FAM184A: variants seen among roughly 807,000 people sequenced by gnomAD.
The protein encoded by FAM184A is family with sequence similarity 184 member A.
FAM184A carries 99 observed loss-of-function variants against 143.8 expected under a neutral mutation model. The observed-to-expected ratio is 0.69, with a 90% CI of 0.58 to 0.81. FAM184A has a LOEUF of 0.81. Among genes scored for constraint, FAM184A ranks in the 40% least tolerant of loss-of-function variants. The pLI is 0.00. For missense variants in FAM184A, 1,217 were observed against 1,310.5 expected, an observed-to-expected ratio of 0.93 and a Z score of 1.10; for synonymous variants, 427 against 446.4, an observed-to-expected ratio of 0.96 and a Z score of 0.55.
intron 1 of FAM184A, among the ~76,000 whole-genome samples, chr6:119,028,803 T>C (rs766831602): frequency 7.2e-5 from 11 of 152,184 alleles, no homozygotes; most frequent in Admixed American, 7.2e-4. Flanking sequence ...GAACTTGCAG[T>C]TGGCATCTGA....
intron 1 of FAM184A, among the ~76,000 whole-genome samples, chr6:119,109,085 A>G (rs1788864347): frequency 6.9e-6 from 1 of 144,966 alleles, no homozygotes; most frequent in African/African-American, 2.8e-5. Context: ...CCCTATTCCT[A>G]TCTCCTCCAT....
intron 11 of FAM184A, 51 bp from the exon 12 acceptor site, chr6:118,976,095 A>C (rs1263355264): frequency 5.2e-6 from 8 of 1,551,364 alleles, no homozygotes; most frequent in Middle Eastern, 1.7e-4. Flanking sequence ...AATATTATCA[A>C]TACTTTAGAT....
chr6:118,982,839 A>G (rs1784061124), intron 9 of FAM184A, among the ~76,000 whole-genome samples: 1 of 152,246 alleles, frequency 6.6e-6, no homozygotes, highest in Admixed American at 6.5e-5. Context: ...TAATAGTTAC[A>G]TATTTAAAAT....
intron 1 of FAM184A, among the ~76,000 whole-genome samples, chr6:119,106,513 C>T (rs1788787284): frequency 6.6e-6 from 1 of 152,208 alleles, no homozygotes; most frequent in Non-Finnish European, 1.5e-5. Flanking sequence ...CTTTCACAGT[C>T]TTATGATTTT....
At chr6:119,107,593 T>C (rs4946399) in intron 1 of FAM184A, among the ~76,000 whole-genome samples, 96,139 of 151,946 alleles carry the variant, frequency 0.63, 31,095 homozygotes, top group East Asian at 0.96. Flanking sequence ...GAAAATAATT[T>C]GTCTCTAATA....
intron 1 of FAM184A, among the ~76,000 whole-genome samples, chr6:119,041,843 T>A (rs1161023755): frequency 6.6e-6 from 1 of 152,170 alleles, no homozygotes; most frequent in East Asian, 1.9e-4. Flanking sequence ...AGCTGAACAC[T>A]AGTTGCTGGG....
At chr6:119,020,768 A>G (rs1201337850) in intron 3 of FAM184A, among the ~76,000 whole-genome samples, 1 of 152,156 alleles carries the variant, frequency 6.6e-6, no homozygotes, top group African/African-American at 2.4e-5. Context: ...TGAGCCCAGG[A>G]GTTCAAGGTT....
intron 9 of FAM184A, among the ~76,000 whole-genome samples, chr6:118,984,866 T>C (rs941956797): frequency 6.6e-6 from 1 of 152,224 alleles, no homozygotes; most frequent in East Asian, 1.9e-4. Flanking sequence ...GATTCTGATT[T>C]AGCAGGTCTG....
intron 1 of FAM184A, among the ~76,000 whole-genome samples, chr6:119,138,751 T>C (rs629366): frequency 0.5 from 76,431 of 151,928 alleles, 21,312 homozygotes; most frequent in African/African-American, 0.75. Context: ...CTCAGCCTCC[T>C]GAGTAGCTGG....
intron 1 of FAM184A, among the ~76,000 whole-genome samples, chr6:119,075,506 G>C (rs2114796336): frequency 6.6e-6 from 1 of 152,280 alleles, no homozygotes; most frequent in Non-Finnish European, 1.5e-5. Context: ...GTAGTAAGTG[G>C]TGGAGTGAGA....
At chr6:119,055,319 A>G (rs939579221) in intron 1 of FAM184A, among the ~76,000 whole-genome samples, 6 of 152,144 alleles carry the variant, frequency 3.9e-5, no homozygotes, top group African/African-American at 1.4e-4. Flanking sequence ...GGTTGTTTCC[A>G]TTCTTAGCTA....
chr6:119,086,422 G>T (rs766821596), intron 1 of FAM184A, among the ~76,000 whole-genome samples: 2 of 152,122 alleles, frequency 1.3e-5, no homozygotes, highest in Non-Finnish European at 2.9e-5. Flanking sequence ...CTAGACTTGG[G>T]GTGTCAGAGA....
chr6:119,120,288 C>T lies in FAM184A; in HGVS notation c.-202+28790G>A, dbSNP rs1376840362. ...ACAATATATGGTATTCTGTATCTTT[C>T]AGGAAACATAATGTTTTCAAGGTTT... On this transcript the variant is annotated intron_variant, in intron 1 of 16. Coordinates refer to the FAM184A transcript ENST00000352896. 3.9e-5 allele frequency among the ~76,000 whole-genome samples: 6 copies of T among 152,204 alleles called. 1 individual carries two copies. Among genetic ancestry groups the T allele is most frequent in the African/African-American group, 1.4e-4 (6 of 41,442 alleles).
intron 1 of FAM184A, among the ~76,000 whole-genome samples, chr6:119,067,745 T>A (rs753346808): frequency 6.6e-6 from 1 of 152,136 alleles, no homozygotes; most frequent in Non-Finnish European, 1.5e-5. Context: ...ACTGACTATA[T>A]TTTATTTGCT....
chr6:119,086,791 T>C (rs1183792639), intron 1 of FAM184A, among the ~76,000 whole-genome samples: 3 of 152,198 alleles, frequency 2.0e-5, no homozygotes, highest in Non-Finnish European at 4.4e-5. Context: ...ATTTTTTGAC[T>C]GTGGAAAATC....
chr6:119,041,812 T>C (rs1786344674), intron 1 of FAM184A, among the ~76,000 whole-genome samples: 1 of 152,172 alleles, frequency 6.6e-6, no homozygotes, highest in Non-Finnish European at 1.5e-5. Context: ...CACGGCTAAG[T>C]GCCCGGGTTC....
At chr6:119,016,998 T>A in intron 4 of FAM184A, 54 bp from the exon 5 acceptor site, 1 of 1,238,924 alleles carries the variant, frequency 8.1e-7, no homozygotes, top group East Asian at 2.3e-5. Context: ...ATTACTGTTA[T>A]TAGGGTAATT....
intron 5 of FAM184A, 63 bp from the exon 6 acceptor site, chr6:119,011,494 T>C: frequency 9.9e-7 from 1 of 1,005,806 alleles, no homozygotes; most frequent in Admixed American, 3.1e-5. Context: ...TTGAAGACTC[T>C]AAGAAAAAGA....
At chr6:119,120,391 T>C (rs1271687024) in intron 1 of FAM184A, among the ~76,000 whole-genome samples, 1 of 152,274 alleles carries the variant, frequency 6.6e-6, no homozygotes, top group East Asian at 1.9e-4. Flanking sequence ...ACACTACATA[T>C]TGTATAGACA....
Sources: allele counts gnomAD v4.1 joint callset (sites outside exome capture counted in the v4.1 genomes callset), GRCh38; gene constraint gnomAD v4.1.1; transcripts MANE v1.5; gene names NCBI Gene and HGNC (gene_info 2026-07-23, HGNC 2026-07-21).